The following IQUB variants were observed in gnomAD, a reference collection of about 807,000 sequenced individuals.
IQUB encodes the protein IQ motif and ubiquitin-like domain-containing protein.
A neutral mutation model predicts 86.4 loss-of-function variants in IQUB; 86 were observed. The observed-to-expected ratio is 1.00, with a 90% CI of 0.84 to 1.19. The LOEUF is 1.19. Among genes scored for constraint, IQUB ranks in the 50% most tolerant of loss-of-function variants. The pLI is 0.00. For synonymous variants in IQUB, 289 were observed against 304.5 expected (o/e 0.95, Z 0.53); for missense variants, 946 against 916.9 (o/e 1.03, Z -0.41).
At chr7:123,525,301 G>C (rs1252381385) in intron 1 of IQUB, among the ~76,000 whole-genome samples, 1 of 152,018 alleles carries the variant, frequency 6.6e-6, no homozygotes. Flanking sequence ...TGTACCTCTG[G>C]TAGAATTCGG....
At chr7:123,517,388 G>A (rs920932631) in intron 1 of IQUB, among the ~76,000 whole-genome samples, 3 of 151,588 alleles carry the variant, frequency 2.0e-5, no homozygotes, top group East Asian at 1.9e-4. Context: ...AAAATTAGCC[G>A]GGCGTTGTGG....
chr7:123,526,699 T>A (rs1797232456), intron 1 of IQUB, among the ~76,000 whole-genome samples: 1 of 151,572 alleles, frequency 6.6e-6, no homozygotes, highest in African/African-American at 2.4e-5. Flanking sequence ...TCCATTTACA[T>A]TTAAAGTTAA....
chr7:123,454,508 T>A (rs1398328603), intron 12 of IQUB, among the ~76,000 whole-genome samples: 1 of 152,106 alleles, frequency 6.6e-6, no homozygotes, highest in Non-Finnish European at 1.5e-5. Context: ...TTTCAATAGA[T>A]TATTATATAC....
intron 6 of IQUB, among the ~76,000 whole-genome samples, chr7:123,499,089 C>T (rs1437282954): frequency 6.6e-6 from 1 of 151,836 alleles, no homozygotes; most frequent in Admixed American, 6.6e-5. Flanking sequence ...AAAGATAAAT[C>T]CCAGCATTCC....
intron 1 of IQUB, among the ~76,000 whole-genome samples, chr7:123,530,015 G>A (rs1267954314): frequency 6.6e-6 from 1 of 151,936 alleles, no homozygotes; most frequent in African/African-American, 2.4e-5. Context: ...CCTGGCGACA[G>A]AGCCAGACTC....
intron 7 of IQUB, among the ~76,000 whole-genome samples, chr7:123,494,688 G>A (rs1364163407): frequency 1.3e-5 from 2 of 151,906 alleles, no homozygotes; most frequent in Admixed American, 1.3e-4. Flanking sequence ...ACAATAGCTC[G>A]CATATGTATA....
intron 7 of IQUB, among the ~76,000 whole-genome samples, chr7:123,486,203 G>A (rs1477862222): frequency 1.3e-5 from 2 of 152,120 alleles, no homozygotes; most frequent in African/African-American, 4.8e-5. Context: ...CTGGAAGAAA[G>A]GAAAAATTCA....
At chr7:123,504,079 A>G (rs1236831977) in intron 3 of IQUB, among the ~76,000 whole-genome samples, 1 of 152,222 alleles carries the variant, frequency 6.6e-6, no homozygotes, top group African/African-American at 2.4e-5. Flanking sequence ...AATTATTTTA[A>G]TAGCCATCCT....
intron 7 of IQUB, among the ~76,000 whole-genome samples, chr7:123,485,456 G>C (rs1446732098): frequency 6.6e-6 from 1 of 152,046 alleles, no homozygotes; most frequent in African/African-American, 2.4e-5. Flanking sequence ...TATGGATTTG[G>C]GGGGAACATA....
intron 8 of IQUB, among the ~76,000 whole-genome samples, chr7:123,478,571 A>G (rs1297213660): frequency 6.6e-6 from 1 of 151,830 alleles, no homozygotes; most frequent in African/African-American, 2.4e-5. Context: ...AAAGTGTAAT[A>G]AAAAAAAGAA....
intron 8 of IQUB, among the ~76,000 whole-genome samples, chr7:123,479,365 C>T (rs953311320): frequency 6.6e-6 from 1 of 151,910 alleles, no homozygotes; most frequent in African/African-American, 2.4e-5. Flanking sequence ...ATGTGGTGAG[C>T]CAAAGCAAAA....
chr7:123,505,321 C>G (rs1277923901), intron 3 of IQUB, among the ~76,000 whole-genome samples: 1 of 152,198 alleles, frequency 6.6e-6, no homozygotes, highest in Non-Finnish European at 1.5e-5. Flanking sequence ...AGGTACAGCT[C>G]CACTAGGCAG....
At chr7:123,483,035 T>C (rs1237194512) in intron 7 of IQUB, among the ~76,000 whole-genome samples, 1 of 152,094 alleles carries the variant, frequency 6.6e-6, no homozygotes, top group Non-Finnish European at 1.5e-5. Flanking sequence ...TTTTTTTGGA[T>C]TTTCTGAACT....
At position 123,493,730 on chromosome 7, in the gene IQUB, TA is replaced by T. The variant is rs1440081151; in HGVS notation, c.1234+2965del. Among the ~76,000 whole-genome samples the T allele has an allele frequency of 1.5e-3, 187 of 127,852 alleles. 1 individual carries two copies. The highest frequency in any genetic ancestry group is 5.6e-3 in the African/African-American group (172 of 30,484). 83.9% of individuals were successfully genotyped at this position (127,852 alleles called of 152,430 possible). A position where few individuals can be genotyped will look rare whatever the true frequency, so the allele number is the denominator to read the frequency against. Reference sequence around the variant, plus strand: ...TTACACCCTGAGAGAAATGTGTGTGTATGTGTGTGTGTGTGTGTGTGTGTGT... The same window carrying T: ...TTACACCCTGAGAGAAATGTGTGTGTTGTGTGTGTGTGTGTGTGTGTGTGT... On this transcript the variant is annotated intron_variant, in intron 7 of 12. Coordinates refer to ENST00000324698, the MANE Select transcript of IQUB (RefSeq NM_178827.5).
chr7:123,527,163 C>T (rs1241457314), intron 1 of IQUB, among the ~76,000 whole-genome samples: 2 of 152,190 alleles, frequency 1.3e-5, no homozygotes, highest in Admixed American at 6.5e-5. Flanking sequence ...TTTTCAGCTC[C>T]ATCAGCTCCT....
rs865888715 is a variant in IQUB at position 123,457,373 on chromosome 7, T to G, written c.2193+8A>C. The stretch of plus-strand genomic sequence containing the variant: ...ATTAACTTCCCAAATAAAATTCAAC[T>G]TTCTTACCTCTTCAATACTTGTTAG... On this transcript the variant is annotated splice_region_variant and intron_variant, in intron 12 of 12. Transcript: ENST00000324698. 4.2e-5 allele frequency: 67 copies of G among 1,604,716 alleles called. 5 individuals are homozygous for G. The Middle Eastern group carries it at 0.011, about 264-fold the overall frequency.
chr7:123,468,950 G>C (rs1309791823), intron 9 of IQUB, among the ~76,000 whole-genome samples: 1 of 152,018 alleles, frequency 6.6e-6, no homozygotes, highest in Non-Finnish European at 1.5e-5. Context: ...GATTATAATT[G>C]CTGTTTATGT....
intron 7 of IQUB, among the ~76,000 whole-genome samples, chr7:123,493,756 T>C (rs1242029176): frequency 3.3e-5 from 5 of 149,916 alleles, no homozygotes; most frequent in Non-Finnish European, 4.4e-5. Flanking sequence ...TGTGTGTGTG[T>C]GTGTGTGTGT....
chr7:123,482,600 C>T (rs1563444597), intron 7 of IQUB, among the ~76,000 whole-genome samples: 1 of 151,684 alleles, frequency 6.6e-6, no homozygotes, highest in Non-Finnish European at 1.5e-5. Context: ...AAGAAAAAAA[C>T]ACTACATGTG....
Sources: gnomAD v4.1 joint callset for allele counts (sites outside exome capture counted in the v4.1 genomes callset) on GRCh38, gnomAD v4.1.1 for gene constraint, MANE v1.5 for transcripts, NCBI Gene and HGNC (gene_info 2026-07-23, HGNC 2026-07-21) for gene names.